CTDSPL2: variants seen among roughly 807,000 people sequenced by gnomAD.
The protein encoded by CTDSPL2 is CTD small phosphatase-like protein 2.
CTDSPL2 carries 5 observed loss-of-function variants against 60.0 expected under a neutral mutation model. The observed-to-expected ratio is 0.08, with a 90% CI of 0.04 to 0.18. CTDSPL2 has a LOEUF of 0.18. Ranked by LOEUF, CTDSPL2 falls within the 10% of genes least tolerant of loss-of-function variation. CTDSPL2 has a pLI of 1.00. For missense variants in CTDSPL2, 370 were observed against 548.8 expected, an observed-to-expected ratio of 0.67 and a Z score of 3.26; for synonymous variants, 186 against 189.3, an observed-to-expected ratio of 0.98 and a Z score of 0.14.
chr15:44,519,444 C>T, intron 11 of CTDSPL2, 149 bp downstream of exon 11: 1 of 738,844 alleles, frequency 1.4e-6, no homozygotes, highest in Non-Finnish European at 2.1e-6. Flanking sequence ...TTAGAAATGA[C>T]AAAGTGGTAT....
chr15:44,440,415 C>T (rs2080061456), intron 1 of CTDSPL2, among the ~76,000 whole-genome samples: 1 of 151,272 alleles, frequency 6.6e-6, no homozygotes. Flanking sequence ...AGGCTGGTCT[C>T]GAACTCCTGA....
intron 8 of CTDSPL2, among the ~76,000 whole-genome samples, chr15:44,508,208 G>A (rs2081505128): frequency 6.6e-6 from 1 of 151,784 alleles, no homozygotes; most frequent in Admixed American, 6.6e-5. Context: ...TCAGCCCCCT[G>A]AGTAGCCGGG....
intron 8 of CTDSPL2, among the ~76,000 whole-genome samples, 167 bp from the exon 9 acceptor site, chr15:44,514,431 G>A (rs79245918): frequency 6.6e-5 from 10 of 152,146 alleles, no homozygotes; most frequent in African/African-American, 1.7e-4. Context: ...TTAAGTGATC[G>A]CTTGTATGTG....
intron 1 of CTDSPL2, among the ~76,000 whole-genome samples, chr15:44,444,546 A>G (rs1418287432): frequency 1.3e-5 from 2 of 151,894 alleles, no homozygotes; most frequent in Admixed American, 1.3e-4. Flanking sequence ...AAGTTTCACC[A>G]TGTTGTCCAG....
At chr15:44,467,331 G>A (rs1347247399) in intron 2 of CTDSPL2, among the ~76,000 whole-genome samples, 1 of 152,082 alleles carries the variant, frequency 6.6e-6, no homozygotes, top group Non-Finnish European at 1.5e-5. Context: ...TATTACATTG[G>A]TTAGGATCTG....
chr15:44,456,881 T>TTTTTTTTTTTTTTTTTTTTTTG (rs2080457745), intron 1 of CTDSPL2, among the ~76,000 whole-genome samples: 4 of 146,108 alleles, frequency 2.7e-5, no homozygotes, highest in African/African-American at 1.0e-4. Context: ...TTTTTTTGTT[T>TTTTTTTTTTTTTTTTTTTTTTG]TTTTTTCTTT....
intron 2 of CTDSPL2, among the ~76,000 whole-genome samples, chr15:44,469,826 G>T: frequency 6.6e-6 from 1 of 152,192 alleles, no homozygotes; most frequent in Middle Eastern, 3.4e-3. Context: ...GGCCGGGCGC[G>T]GTGGCTCACG....
Position 44,526,589 on chromosome 15 carries a change from T to C in CTDSPL2, c.*2415T>C, listed in dbSNP as rs2081878224. The C allele has an allele frequency of 6.6e-6, 1 of 152,156 alleles. No individual in the cohort carries two copies. Among genetic ancestry groups the C allele is most frequent in the Non-Finnish European group, 1.5e-5 (1 of 67,986 alleles). 9.4% of individuals were successfully genotyped at this position (152,156 alleles called of 1,614,324 possible). A position where few individuals can be genotyped will look rare whatever the true frequency, so the allele number is the denominator to read the frequency against. On this transcript the variant is annotated 3_prime_UTR_variant, in exon 13 of 13. Transcript: ENST00000260327. ...CAAATTAATATATTTTTCTTTGTTATTTTATTTGAGTCATTTTAAATTTGT... is the reference window on the plus strand; with the variant it reads ...CAAATTAATATATTTTTCTTTGTTACTTTATTTGAGTCATTTTAAATTTGT...
chr15:44,464,596 C>T (rs889898299), intron 2 of CTDSPL2, among the ~76,000 whole-genome samples: 1 of 152,192 alleles, frequency 6.6e-6, no homozygotes, highest in Admixed American at 6.6e-5. Flanking sequence ...TTATAGATGG[C>T]TGCCCCTCAC....
chr15:44,493,974 C>G (rs1232276204), intron 5 of CTDSPL2, among the ~76,000 whole-genome samples: 3 of 152,104 alleles, frequency 2.0e-5, no homozygotes, highest in African/African-American at 7.2e-5. Context: ...CACGTTGACT[C>G]TGTCTCAAAA....
chr15:44,460,740 C>A (rs1464799262), intron 2 of CTDSPL2, among the ~76,000 whole-genome samples: 2 of 151,962 alleles, frequency 1.3e-5, no homozygotes, highest in Non-Finnish European at 2.9e-5. Context: ...ACTATAATTT[C>A]TTTGTTAATT....
chr15:44,504,177 A>G lies in CTDSPL2; in HGVS notation c.969+4364A>G, dbSNP rs190963664. Among the ~76,000 whole-genome samples the G allele has an allele frequency of 2.4e-4, 36 of 152,224 alleles. No homozygotes were observed. In the East Asian group the frequency reaches 6.2e-3, roughly 26 times the overall value. On this transcript the variant is annotated intron_variant, in intron 8 of 12. Transcript: ENST00000260327. ...ACCCTGGCCAACATGGCAAAACCCT[A>G]TCTCCACAAAAAAATAAAAAAAATT...
At chr15:44,444,476 C>T (rs2080160990) in intron 1 of CTDSPL2, among the ~76,000 whole-genome samples, 1 of 151,910 alleles carries the variant, frequency 6.6e-6, no homozygotes, top group Non-Finnish European at 1.5e-5. Context: ...TCCCAAGTAG[C>T]TGAGACCACA....
At chr15:44,490,647 T>C (rs2081197955) in intron 4 of CTDSPL2, 137 bp from the exon 5 acceptor site, 4 of 655,626 alleles carry the variant, frequency 6.1e-6, no homozygotes, top group African/African-American at 5.5e-5. Flanking sequence ...GCAAAGATTC[T>C]CTAAAAGCAA....
At chr15:44,459,406 A>C (rs954713297) in intron 2 of CTDSPL2, among the ~76,000 whole-genome samples, 1 of 152,170 alleles carries the variant, frequency 6.6e-6, no homozygotes, top group African/African-American at 2.4e-5. Context: ...GGGCGCCTGT[A>C]GTCCCAGCTA....
intron 2 of CTDSPL2, among the ~76,000 whole-genome samples, chr15:44,461,644 C>T (rs2080574106): frequency 1.4e-5 from 2 of 147,514 alleles, no homozygotes; most frequent in Admixed American, 6.9e-5. Context: ...TCTTGAACTC[C>T]TGACCACAAG....
In CTDSPL2 at chr15:44,529,038, A is replaced by G. The variant is rs1372387637; in HGVS notation, c.*4864A>G. On this transcript the variant is annotated 3_prime_UTR_variant, in exon 13 of 13. Coordinates refer to ENST00000260327, the MANE Select transcript of CTDSPL2 (RefSeq NM_016396.3). ...GGATAAATAAAACTTTTATGGAAGC[A>G]CTTCTCTTTGATGATATTTTATCAG... 6.6e-6 allele frequency: 1 copy of G among 152,190 alleles called. No homozygotes were observed. Among genetic ancestry groups the G allele is most frequent in the Non-Finnish European group, 1.5e-5 (1 of 68,028 alleles). The allele number at this position is 152,190 out of a possible 1,614,324, so 9.4% of individuals were successfully genotyped here.
chr15:44,440,593 T>C (rs1180754403), intron 1 of CTDSPL2, among the ~76,000 whole-genome samples: 1 of 152,230 alleles, frequency 6.6e-6, no homozygotes, highest in African/African-American at 2.4e-5. Flanking sequence ...CGTCTTTTTT[T>C]CCTCAAACTG....
chr15:44,496,667 C>T (rs1224763334), intron 6 of CTDSPL2, among the ~76,000 whole-genome samples: 2 of 152,074 alleles, frequency 1.3e-5, no homozygotes, highest in Non-Finnish European at 2.9e-5. Flanking sequence ...TCAAGACCAA[C>T]CTGGGCAACG....
Sources: allele counts gnomAD v4.1 joint callset (sites outside exome capture counted in the v4.1 genomes callset), GRCh38; gene constraint gnomAD v4.1.1; transcripts MANE v1.5; gene names NCBI Gene and HGNC (gene_info 2026-07-23, HGNC 2026-07-21).